The following CRYBG1 variants were observed in gnomAD, a reference collection of about 807,000 sequenced individuals.
CRYBG1 encodes crystallin beta-gamma domain containing 1.
In CRYBG1, 139 loss-of-function variants were observed where a neutral mutation model predicts 189.2. That is an observed-to-expected ratio of 0.73 (90% CI 0.64 to 0.85). CRYBG1 has a LOEUF of 0.85. CRYBG1 is among the 40% of genes least tolerant of loss of function. CRYBG1 has a pLI of 0.00. For synonymous variants in CRYBG1, 1,023 were observed against 1,017.1 expected, an observed-to-expected ratio of 1.01 and a Z score of -0.11; for missense variants, 2,611 against 2,675.8, an observed-to-expected ratio of 0.98 and a Z score of 0.53.
intron 21 of CRYBG1, 116 bp downstream of exon 21, chr6:106,564,042 A>C (rs1774801081): frequency 9.0e-7 from 1 of 1,109,274 alleles, no homozygotes; most frequent in Non-Finnish European, 1.3e-6. Flanking sequence ...ACAGTAAGAG[A>C]GCCCCTACTG....
intron 2 of CRYBG1, among the ~76,000 whole-genome samples, chr6:106,475,036 GATAA>G (rs887589478): frequency 5.3e-5 from 8 of 152,050 alleles, no homozygotes; most frequent in African/African-American, 7.2e-5. Context: ...TTAACCTTTT[GATAA>G]ATACTCTGTA....
chr6:106,478,946 G>A (rs1772389224), intron 2 of CRYBG1, among the ~76,000 whole-genome samples: 1 of 152,210 alleles, frequency 6.6e-6, no homozygotes. Flanking sequence ...TGCAGGAAAA[G>A]AAACTCAGGG....
chr6:106,570,234 T>A lies in CRYBG1; in HGVS notation c.*1668T>A, dbSNP rs890791524. The A allele has an allele frequency of 6.6e-6, 1 of 152,222 alleles. No homozygotes were observed. Among genetic ancestry groups the A allele is most frequent in the Non-Finnish European group, 1.5e-5 (1 of 68,040 alleles). 9.4% of individuals were successfully genotyped at this position (152,222 alleles called of 1,614,324 possible). A position where few individuals can be genotyped will look rare whatever the true frequency, so the allele number is the denominator to read the frequency against. On this transcript the variant is annotated 3_prime_UTR_variant, in exon 22 of 22. Transcript: ENST00000633556. ...TCTAAAATGCTGATCTTCTCTGGAG[T>A]CTATGGTAGGCAATTATGGTCACTG...
chr6:106,528,167 A>G (rs1488959929), intron 7 of CRYBG1, among the ~76,000 whole-genome samples: 1 of 152,228 alleles, frequency 6.6e-6, no homozygotes, highest in Non-Finnish European at 1.5e-5. Context: ...GATGAGTAAC[A>G]GTTTTGGCAG....
Position 106,399,682 on chromosome 6 carries a change from G to T in CRYBG1, c.173+38601G>T, listed in dbSNP as rs574867669. Among the ~76,000 whole-genome samples the T allele has an allele frequency of 3.4e-5, 5 of 147,518 alleles. No homozygotes were observed. The East Asian group carries it at 5.9e-4, about 17-fold the overall frequency. Reference sequence around the variant, plus strand: ...TCTTTTTTTTTTTTTCTTGAGACAGGGTCTCACTCTGTTACCTAGCCTGGA... The same window carrying T: ...TCTTTTTTTTTTTTTCTTGAGACAGTGTCTCACTCTGTTACCTAGCCTGGA... On this transcript the variant is annotated intron_variant, in intron 1 of 21. Coordinates refer to ENST00000633556, the MANE Select transcript of CRYBG1 (RefSeq NM_001371242.2).
chr6:106,444,650 C>T (rs916480287), intron 1 of CRYBG1, among the ~76,000 whole-genome samples: 14 of 152,120 alleles, frequency 9.2e-5, no homozygotes, highest in Non-Finnish European at 1.8e-4. Flanking sequence ...TACTAGTGGT[C>T]CTGAGATATT....
intron 8 of CRYBG1, among the ~76,000 whole-genome samples, chr6:106,530,911 C>T (rs1039307855): frequency 8.5e-5 from 13 of 152,136 alleles, no homozygotes; most frequent in Non-Finnish European, 1.5e-5. Flanking sequence ...CACTGAGATG[C>T]AGGAAAAAAC....
intron 1 of CRYBG1, among the ~76,000 whole-genome samples, chr6:106,423,009 G>A (rs1011214759): frequency 6.6e-6 from 1 of 152,166 alleles, no homozygotes; most frequent in Non-Finnish European, 1.5e-5. Flanking sequence ...TGCTCCCGTA[G>A]ATAAGTTCCA....
intron 1 of CRYBG1, among the ~76,000 whole-genome samples, chr6:106,361,914 T>C (rs550943411): frequency 6.6e-6 from 1 of 150,856 alleles, no homozygotes; most frequent in African/African-American, 2.4e-5. Flanking sequence ...AGGGCCAGAA[T>C]AAAATTGTGC....
chr6:106,396,720 T>A (rs1264759898), intron 1 of CRYBG1, among the ~76,000 whole-genome samples: 3 of 152,210 alleles, frequency 2.0e-5, no homozygotes, highest in Non-Finnish European at 4.4e-5. Flanking sequence ...CTTGCACTGT[T>A]GCCCAGGCTG....
At chr6:106,538,468 C>T (rs187997013) in intron 8 of CRYBG1, among the ~76,000 whole-genome samples, 3 of 152,092 alleles carry the variant, frequency 2.0e-5, no homozygotes, top group Admixed American at 2.0e-4. Context: ...ACAAGCAGCC[C>T]CACAGAACTT....
chr6:106,422,605 G>A (rs535047921), intron 1 of CRYBG1, among the ~76,000 whole-genome samples: 1 of 152,226 alleles, frequency 6.6e-6, no homozygotes, highest in South Asian at 2.1e-4. Context: ...AAAGTGCTGG[G>A]ATTATAGGTG....
intron 2 of CRYBG1, among the ~76,000 whole-genome samples, chr6:106,495,842 T>G (rs79112938): frequency 2.7e-5 from 3 of 113,090 alleles, no homozygotes; most frequent in African/African-American, 1.0e-4. Context: ...AAAAAACAAC[T>G]TTCCCCCCTG....
Position 106,568,484 on chromosome 6 carries a change from A to G in CRYBG1, c.6314A>G (p.Tyr2105Cys). The change falls in exon 22 of 22, where the codon TAT becomes TGT. Residue 2105 changes from tyrosine to cysteine, a missense_variant. Around this residue, in one of 3 missense-constraint regions of CRYBG1, gnomAD observed 1,622 missense variants for 1,735.0 expected, o/e 0.93. Coordinates refer to ENST00000633556, the MANE Select transcript of CRYBG1 (RefSeq NM_001371242.2). ...TCCTTTCTTTTAGGGGGCACACAGT[A>G]TGATCAAAATCACATTATCCTCAAC... ...LVLDIKGGTQ[Y>C]DQNHIILNTV... is the part of the protein sequence containing the mutation. 1 of 1,613,534 alleles carries G rather than the reference A, an allele frequency of 6.2e-7. No homozygotes were observed. The highest frequency in any genetic ancestry group is 1.1e-5 in the South Asian group (1 of 91,070).
intron 4 of CRYBG1, among the ~76,000 whole-genome samples, chr6:106,523,245 A>G (rs1354991624): frequency 1.3e-5 from 2 of 152,186 alleles, no homozygotes; most frequent in Admixed American, 6.5e-5. Flanking sequence ...AACCACTGCT[A>G]TAAACAAATA....
At chr6:106,561,574 T>A (rs1478062891) in intron 20 of CRYBG1, 74 bp downstream of exon 20, 1 of 1,506,042 alleles carries the variant, frequency 6.6e-7, no homozygotes, top group African/African-American at 1.4e-5. Flanking sequence ...ATGCTTTTGA[T>A]CTTTTCTTCA....
At chr6:106,411,888 C>T (rs1202703566) in intron 1 of CRYBG1, among the ~76,000 whole-genome samples, 2 of 152,184 alleles carry the variant, frequency 1.3e-5, no homozygotes, top group Non-Finnish European at 2.9e-5. Flanking sequence ...GCATCTGGCA[C>T]AAGAAGAAAG....
intron 13 of CRYBG1, among the ~76,000 whole-genome samples, chr6:106,550,722 G>T (rs1774378450): frequency 6.6e-6 from 1 of 152,068 alleles, no homozygotes; most frequent in Admixed American, 6.5e-5. Context: ...GTGGTTTGTT[G>T]TGTAATAGAC....
chr6:106,567,080 A>G (rs2114605795), intron 21 of CRYBG1, among the ~76,000 whole-genome samples: 1 of 152,320 alleles, frequency 6.6e-6, no homozygotes, highest in East Asian at 1.9e-4. Flanking sequence ...AGTTTTCATG[A>G]TTCTAGTTGA....
Sources: gnomAD v4.1 joint callset for allele counts (sites outside exome capture counted in the v4.1 genomes callset) on GRCh38, gnomAD v4.1.1 for gene constraint, gnomAD v4.1.1 regional missense constraint, MANE v1.5 for transcripts, NCBI Gene and HGNC (gene_info 2026-07-23, HGNC 2026-07-21) for gene names.